CPVL: variants seen among roughly 807,000 people sequenced by gnomAD.
The protein encoded by CPVL is carboxypeptidase vitellogenic like, also known as probable serine carboxypeptidase CPVL.
Under a neutral mutation model 63.7 loss-of-function variants are expected in CPVL, and 51 were observed. The ratio of observed to expected loss-of-function variants is 0.80; its 90% CI spans 0.64 to 1.01. The LOEUF (loss-of-function observed/expected upper bound fraction) is 1.01, where lower values mean the gene tolerates loss of function less well. Among genes scored for constraint, CPVL ranks in the 50% least tolerant of loss-of-function variants. The pLI is 0.00. For missense variants in CPVL, 530 were observed against 573.1 expected (o/e 0.92, Z 0.77); for synonymous variants, 195 against 206.0 (o/e 0.95, Z 0.46).
intron 5 of CPVL, among the ~76,000 whole-genome samples, chr7:29,161,070 G>A (rs563891160): frequency 5.2e-4 from 79 of 152,120 alleles, no homozygotes; most frequent in African/African-American, 1.7e-3. Context: ...ATACCTAGAA[G>A]CTACCTGACT....
chr7:29,133,384 G>T (rs1173710674), intron 1 of CPVL, among the ~76,000 whole-genome samples: 1 of 152,190 alleles, frequency 6.6e-6, no homozygotes, highest in Non-Finnish European at 1.5e-5. Context: ...CTTGCCTTCT[G>T]TAATTTGTGT....
chr7:29,079,895 T>C (rs184600550), intron 7 of CPVL, among the ~76,000 whole-genome samples: 1 of 152,312 alleles, frequency 6.6e-6, no homozygotes, highest in East Asian at 1.9e-4. Context: ...GTTTAATTTA[T>C]CAGATCCTTT....
chr7:29,091,714 T>C (rs974550171), intron 6 of CPVL, among the ~76,000 whole-genome samples: 39 of 152,338 alleles, frequency 2.6e-4, no homozygotes, highest in African/African-American at 8.9e-4. Context: ...CATATTCTTT[T>C]CTGGGTGGGC....
chr7:29,083,155 A>G (rs1432326566), intron 7 of CPVL, among the ~76,000 whole-genome samples: 1 of 149,650 alleles, frequency 6.7e-6, no homozygotes, highest in African/African-American at 2.4e-5. Context: ...TAAAGAGAAG[A>G]AAGAGAGAAG....
chr7:29,155,114 C>T (rs1010762614), intron 5 of CPVL, among the ~76,000 whole-genome samples: 16 of 152,114 alleles, frequency 1.1e-4, no homozygotes, highest in Non-Finnish European at 2.2e-4. Flanking sequence ...AATTACCTCC[C>T]ACCAGGTCCC....
intron 5 of CPVL, among the ~76,000 whole-genome samples, chr7:29,177,609 T>C (rs944855682): frequency 3.3e-5 from 5 of 151,834 alleles, no homozygotes; most frequent in African/African-American, 1.2e-4. Flanking sequence ...TCATTTTTTC[T>C]CTCTCTCTTT....
intron 2 of CPVL, among the ~76,000 whole-genome samples, chr7:29,119,627 A>G (rs1238289688): frequency 1.3e-5 from 2 of 152,216 alleles, no homozygotes; most frequent in East Asian, 1.9e-4. Context: ...GCAAACACTC[A>G]TATTTGGAGA....
intron 3 of CPVL, among the ~76,000 whole-genome samples, chr7:29,096,711 C>T (rs939262151): frequency 9.9e-5 from 15 of 152,092 alleles, no homozygotes; most frequent in South Asian, 4.1e-4. Flanking sequence ...CAGCTGGTCG[C>T]GGTGGCTCAC....
chr7:29,084,514 G>T (rs1032148014), intron 7 of CPVL, among the ~76,000 whole-genome samples: 3 of 152,108 alleles, frequency 2.0e-5, no homozygotes, highest in Non-Finnish European at 4.4e-5. Context: ...ACATATTTTA[G>T]TTATCACTGC....
chr7:29,020,930 C>G (rs1258466265), intron 12 of CPVL, among the ~76,000 whole-genome samples: 1 of 152,190 alleles, frequency 6.6e-6, no homozygotes, highest in Admixed American at 6.5e-5. Flanking sequence ...AATCCCAGCA[C>G]TTTGGGAGGC....
At chr7:29,153,269 G>A (rs1451558432) in intron 5 of CPVL, among the ~76,000 whole-genome samples, 1 of 152,190 alleles carries the variant, frequency 6.6e-6, no homozygotes, top group Non-Finnish European at 1.5e-5. Context: ...GAAAGAGGCA[G>A]GCTTGGAAAT....
At chr7:29,031,228 C>G (rs2128154110) in intron 11 of CPVL, among the ~76,000 whole-genome samples, 1 of 152,258 alleles carries the variant, frequency 6.6e-6, no homozygotes, top group Admixed American at 6.5e-5. Context: ...ATTTCAGTAG[C>G]AAGTATAATT....
chr7:29,050,170 A>C (rs1490366351), intron 11 of CPVL, among the ~76,000 whole-genome samples: 3 of 152,184 alleles, frequency 2.0e-5, no homozygotes, highest in Admixed American at 6.5e-5. Context: ...AGACAAGAGA[A>C]AGAAATAAAG....
chr7:29,175,538 C>T (rs1028460307), intron 5 of CPVL, among the ~76,000 whole-genome samples: 13 of 152,020 alleles, frequency 8.6e-5, no homozygotes, highest in African/African-American at 2.4e-4. Context: ...TCTTGCCTGC[C>T]GCCATGTAAG....
intron 2 of CPVL, among the ~76,000 whole-genome samples, chr7:29,119,807 A>G (rs1789172926): frequency 6.6e-6 from 1 of 152,172 alleles, no homozygotes; most frequent in African/African-American, 2.4e-5. Flanking sequence ...GAGGCTGAGT[A>G]TGAAGCCTAC....
intron 3 of CPVL, among the ~76,000 whole-genome samples, chr7:29,102,389 A>AT (rs1787238611): frequency 6.6e-6 from 1 of 152,138 alleles, no homozygotes; most frequent in Non-Finnish European, 1.5e-5. Flanking sequence ...TGAAAGAGGA[A>AT]TGGAGAGACA....
At chr7:29,174,900 C>T (rs917268673) in intron 5 of CPVL, among the ~76,000 whole-genome samples, 1 of 147,864 alleles carries the variant, frequency 6.8e-6, no homozygotes, top group African/African-American at 2.5e-5. Context: ...GATACAGGAA[C>T]AAGAAGCTAG....
At chr7:29,104,752 C>T (rs1245419166) in intron 3 of CPVL, among the ~76,000 whole-genome samples, 2 of 152,160 alleles carry the variant, frequency 1.3e-5, no homozygotes, top group Middle Eastern at 3.2e-3. Context: ...TGCCTCCTGC[C>T]AGAAAGTTAT....
chr7:29,011,403 A>T (rs1320770857), intron 12 of CPVL: 6 of 152,262 alleles, frequency 3.9e-5, no homozygotes, highest in African/African-American at 1.4e-4. Context: ...GCAAGACCCC[A>T]TCTCTACAAG....
Sources: gnomAD v4.1 joint callset for allele counts (sites outside exome capture counted in the v4.1 genomes callset) on GRCh38, gnomAD v4.1.1 for gene constraint, MANE v1.5 for transcripts, NCBI Gene and HGNC (gene_info 2026-07-23, HGNC 2026-07-21) for gene names.